Variants in NRXN1 observed in about 807,000 individuals in gnomAD.
The protein encoded by NRXN1 is neurexin 1.
NRXN1 carries 39 observed loss-of-function variants against 150.9 expected under a neutral mutation model. The ratio of observed to expected loss-of-function variants is 0.26; its 90% CI spans 0.20 to 0.34. The LOEUF (loss-of-function observed/expected upper bound fraction) is 0.34, where lower values mean the gene tolerates loss of function less well. Among genes scored for constraint, NRXN1 ranks in the 10% least tolerant of loss-of-function variants. NRXN1 has a pLI of 1.00. For missense variants in NRXN1, 1,815 were observed against 1,949.9 expected, an observed-to-expected ratio of 0.93 and a Z score of 1.30; for synonymous variants, 924 against 757.0, an observed-to-expected ratio of 1.22 and a Z score of -3.62.
chr2:50,769,061 A>G (rs1702697407), intron 5 of NRXN1, among the ~76,000 whole-genome samples: 1 of 152,088 alleles, frequency 6.6e-6, no homozygotes, highest in Non-Finnish European at 1.5e-5. Context: ...TTTACCTATC[A>G]ACAGTTACAG....
intron 21 of NRXN1, among the ~76,000 whole-genome samples, chr2:49,952,219 T>C (rs888149231): frequency 6.6e-6 from 1 of 152,030 alleles, no homozygotes; most frequent in African/African-American, 2.4e-5. Context: ...TGTTCTCTAA[T>C]GAATTTTATG....
chr2:50,529,504 G>A (rs2093042768), intron 11 of NRXN1, among the ~76,000 whole-genome samples: 1 of 152,166 alleles, frequency 6.6e-6, no homozygotes, highest in South Asian at 2.1e-4. Context: ...TTAAAAGACT[G>A]TAGGATGTTT....
At chr2:50,194,767 G>T (rs866096241) in intron 18 of NRXN1, among the ~76,000 whole-genome samples, 2 of 152,110 alleles carry the variant, frequency 1.3e-5, no homozygotes, top group South Asian at 4.1e-4. Flanking sequence ...ATGAATTAGA[G>T]ATTCACTTAA....
chr2:50,731,427 C>T (rs1698093392), intron 5 of NRXN1, among the ~76,000 whole-genome samples: 1 of 152,162 alleles, frequency 6.6e-6, no homozygotes, highest in Non-Finnish European at 1.5e-5. Context: ...CAGGAAACAT[C>T]TTGGTAAACA....
At chr2:50,893,297 A>G (rs892509212) in intron 5 of NRXN1, among the ~76,000 whole-genome samples, 1 of 152,174 alleles carries the variant, frequency 6.6e-6, no homozygotes, top group Non-Finnish European at 1.5e-5. Flanking sequence ...ACTTACTTAT[A>G]GTATATGACT....
In NRXN1 at chr2:50,979,796, T is replaced by C. The variant is rs575981788; in HGVS notation, c.772+47706A>G. Among the ~76,000 whole-genome samples, 369 of 152,224 alleles carry C rather than the reference T, an allele frequency of 2.4e-3. 4 individuals are homozygous for C. The highest frequency in any genetic ancestry group is 4.3e-3 in the Non-Finnish European group (295 of 68,004). ...CAACCAACACCATTCAATATATTCA[T>C]TTATATTTCCCTAAGTTTCTTCACT... On this transcript the variant is annotated intron_variant, in intron 2 of 22. Coordinates refer to ENST00000401669, the MANE Select transcript of NRXN1 (RefSeq NM_001330078.2).
intron 19 of NRXN1, among the ~76,000 whole-genome samples, chr2:50,078,185 G>C (rs555294961): frequency 6.6e-6 from 1 of 151,946 alleles, no homozygotes. Flanking sequence ...GAAAAATTAG[G>C]TTGCTATTCT....
chr2:50,084,095 T>C (rs1558841420), intron 19 of NRXN1, among the ~76,000 whole-genome samples: 1 of 152,198 alleles, frequency 6.6e-6, no homozygotes, highest in Non-Finnish European at 1.5e-5. Context: ...CACAAGGTGC[T>C]GATTGCTGTG....
chr2:50,077,220 T>TA (rs1176676612), intron 19 of NRXN1, among the ~76,000 whole-genome samples: 2 of 152,198 alleles, frequency 1.3e-5, no homozygotes, highest in African/African-American at 4.8e-5. Flanking sequence ...TTGTTTCGGA[T>TA]ACTAGCTCTT....
chr2:50,746,945 T>C (rs1305549946), intron 5 of NRXN1, among the ~76,000 whole-genome samples: 1 of 152,042 alleles, frequency 6.6e-6, no homozygotes, highest in East Asian at 1.9e-4. Context: ...TTATGAACAC[T>C]CTAGTTAGCT....
intron 21 of NRXN1, among the ~76,000 whole-genome samples, chr2:50,045,204 G>C (rs1048210349): frequency 6.6e-6 from 1 of 152,062 alleles, no homozygotes; most frequent in Non-Finnish European, 1.5e-5. Flanking sequence ...ATAGGCTCTA[G>C]ATGATAAAAC....
intron 18 of NRXN1, among the ~76,000 whole-genome samples, chr2:50,199,970 T>C (rs975418648): frequency 6.6e-6 from 1 of 152,178 alleles, no homozygotes; most frequent in Non-Finnish European, 1.5e-5. Context: ...CAGCCTTCTA[T>C]TATGATTCAC....
At chr2:50,683,831 C>T (rs961919376) in intron 5 of NRXN1, among the ~76,000 whole-genome samples, 21 of 149,988 alleles carry the variant, frequency 1.4e-4, no homozygotes, top group African/African-American at 3.9e-4. Flanking sequence ...AGTTAACTCA[C>T]GTTAGCAAGT....
chr2:50,019,783 A>G (rs1687239747), intron 21 of NRXN1, among the ~76,000 whole-genome samples: 2 of 150,006 alleles, frequency 1.3e-5, no homozygotes, highest in Non-Finnish European at 3.0e-5. Flanking sequence ...CGTCTCTACT[A>G]AAAAAATACA....
intron 5 of NRXN1, among the ~76,000 whole-genome samples, chr2:50,766,932 C>A (rs1202604211): frequency 6.6e-6 from 1 of 152,086 alleles, no homozygotes; most frequent in Non-Finnish European, 1.5e-5. Flanking sequence ...TTCATACCAA[C>A]CCATTTCAAA....
chr2:50,477,427 C>A (rs1388941700), intron 15 of NRXN1, among the ~76,000 whole-genome samples: 1 of 152,058 alleles, frequency 6.6e-6, no homozygotes, highest in Non-Finnish European at 1.5e-5. Context: ...TGAACCTGGG[C>A]CTTAGGGAAC....
intron 18 of NRXN1, among the ~76,000 whole-genome samples, chr2:50,202,418 A>C (rs1420432098): frequency 3.3e-5 from 5 of 152,120 alleles, no homozygotes; most frequent in African/African-American, 1.2e-4. Flanking sequence ...AGGCAGGAGA[A>C]TTGCTTGAAC....
At chr2:50,274,232 T>G (rs972923390) in intron 17 of NRXN1, among the ~76,000 whole-genome samples, 1 of 152,162 alleles carries the variant, frequency 6.6e-6, no homozygotes, top group Admixed American at 6.5e-5. Flanking sequence ...CACAGGGACA[T>G]GGATGAAGCT....
intron 5 of NRXN1, among the ~76,000 whole-genome samples, chr2:50,812,542 G>C (rs1668361051): frequency 6.6e-6 from 1 of 152,000 alleles, no homozygotes; most frequent in Non-Finnish European, 1.5e-5. Flanking sequence ...CATATTGATA[G>C]ATGTGTATGT....
Sources: allele counts gnomAD v4.1 joint callset (sites outside exome capture counted in the v4.1 genomes callset), GRCh38; gene constraint gnomAD v4.1.1; transcripts MANE v1.5; gene names NCBI Gene and HGNC (gene_info 2026-07-23, HGNC 2026-07-21).